Variants in ZNF518B observed in about 807,000 individuals in gnomAD.
The protein encoded by ZNF518B is zinc finger protein 518B.
A neutral mutation model predicts 56.3 loss-of-function variants in ZNF518B; 23 were observed. That is an observed-to-expected ratio of 0.41 (90% CI 0.29 to 0.58). The LOEUF is 0.58. Ranked by LOEUF, ZNF518B falls within the 20% of genes least tolerant of loss-of-function variation. ZNF518B has a pLI of 0.32. For missense variants in ZNF518B, 1,460 were observed against 1,272.1 expected (o/e 1.15, Z -2.25); for synonymous variants, 529 against 465.9 (o/e 1.14, Z -1.74).
chr4:10,450,393 G>A (rs111448554), intron 2 of ZNF518B, among the ~76,000 whole-genome samples: 5 of 152,334 alleles, frequency 3.3e-5, no homozygotes, highest in African/African-American at 1.2e-4. Flanking sequence ...ACAAGTAGAT[G>A]GGAGTTCTCT....
upstream of ZNF518B, among the ~76,000 whole-genome samples, chr4:10,460,470 G>A (rs1197106453): frequency 3.9e-5 from 6 of 152,064 alleles, no homozygotes; most frequent in South Asian, 2.1e-4. Flanking sequence ...ATGCAATGAC[G>A]GGGACTTGGG....
chr4:10,443,090 G>A lies in ZNF518B; in HGVS notation c.*14C>T. ...AAACTAAAAGATAACTTGCTTTAAA[G>A]AGTAACTGTTTACTTATTTGCCCTT... On this transcript the variant is annotated 3_prime_UTR_variant, in exon 3 of 3. Transcript: ENST00000326756. The A allele has an allele frequency of 6.2e-7, 1 of 1,600,102 alleles. No individual in the cohort carries two copies. The highest frequency in any genetic ancestry group is 1.7e-5 in the Admixed American group (1 of 57,470).
upstream of ZNF518B, among the ~76,000 whole-genome samples, chr4:10,459,874 G>A (rs1398779280): frequency 6.6e-6 from 1 of 152,076 alleles, no homozygotes; most frequent in African/African-American, 2.4e-5. Flanking sequence ...TGTTTGTTTG[G>A]TACAGCCACC....
At chr4:10,447,234 A>C (rs1162600327) in intron 2 of ZNF518B, among the ~76,000 whole-genome samples, 1 of 152,224 alleles carries the variant, frequency 6.6e-6, no homozygotes, top group East Asian at 1.9e-4. Flanking sequence ...ATATTTGCCA[A>C]TGGTGGTAAG....
chr4:10,446,283 C>T lies in ZNF518B; in HGVS notation c.46G>A (p.Gly16Arg), dbSNP rs72648876. Residue 16 changes from glycine (G) to arginine (R), a missense_variant, in exon 3 of 3, where the codon GGA (glycine) becomes AGA (arginine). By Grantham distance (125) the Gly-to-Arg change is moderately radical. Coordinates refer to ENST00000326756, the MANE Select transcript of ZNF518B (RefSeq NM_053042.3). Reference sequence around the variant, plus strand: ...GGTGACATGGTCAAGGAATTATGTCCGCCGTTCAAGTGTGTAGTGTATAGC... The same window carrying T: ...GGTGACATGGTCAAGGAATTATGTCTGCCGTTCAAGTGTGTAGTGTATAGC... ...QQLYTTHLNG[G>R]HNSLTMSPKQ... The T allele has an allele frequency of 0.022, 35,083 of 1,614,116 alleles. 414 individuals are homozygous for T. The highest frequency in any genetic ancestry group is 0.026 in the Non-Finnish European group (31,090 of 1,180,012).
intron 2 of ZNF518B, among the ~76,000 whole-genome samples, chr4:10,447,573 T>C (rs769651558): frequency 5.3e-5 from 8 of 150,548 alleles, no homozygotes; most frequent in African/African-American, 7.3e-5. Flanking sequence ...AGATCACGGA[T>C]GGCCTGGCCT....
At position 10,456,602 on chromosome 4, in the gene ZNF518B, C is replaced by T. The variant is rs115524215; in HGVS notation, c.-396+715G>A. Among the ~76,000 whole-genome samples the T allele has an allele frequency of 3.9e-3, 591 of 152,284 alleles. 4 individuals are homozygous for T. Among genetic ancestry groups the T allele is most frequent in the African/African-American group, 0.013 (555 of 41,558 alleles). On this transcript the variant is annotated intron_variant, in intron 1 of 2. Coordinates refer to ENST00000326756, the MANE Select transcript of ZNF518B (RefSeq NM_053042.3). Reference sequence around the variant, plus strand: ...CCAGGCTGGTTTTCGAGTTTATTGTCGGCACGCTCCCCCGATGGCAGGCAG... The same window carrying T: ...CCAGGCTGGTTTTCGAGTTTATTGTTGGCACGCTCCCCCGATGGCAGGCAG...
Position 10,446,236 on chromosome 4 carries a change from TC to T in ZNF518B, c.92del (p.Gly31GlufsTer24), listed in dbSNP as rs1470785696. 6.2e-7 allele frequency: 1 copy of T among 1,614,214 alleles called. No homozygotes were observed. The highest frequency in any genetic ancestry group is 1.7e-5 in the Admixed American group (1 of 60,024). On this transcript the variant is annotated frameshift_variant, in exon 3 of 3. Coordinates refer to ENST00000326756, the MANE Select transcript of ZNF518B (RefSeq NM_053042.3). LOFTEE classifies it low-confidence loss of function (END_TRUNC). The stretch of plus-strand genomic sequence containing the variant: ...CTTCTTGTCTATTTGGCCGAGGTGC[TC>T]CATTAGCATCAGGCTGTTTGGGTGA... Reference protein sequence around the residue: ...TMSPKQPDANGAPRPNRQEAQ... With the variant: ...TMSPKQPDANXAPRPNRQEAQ...
chr4:10,450,861 G>A (rs577874743), intron 2 of ZNF518B: 4 of 152,264 alleles, frequency 2.6e-5, no homozygotes, highest in South Asian at 2.1e-4. Flanking sequence ...GAAAGGTCTC[G>A]AAAACACAGA....
chr4:10,450,499 G>A (rs1330355028), intron 2 of ZNF518B, among the ~76,000 whole-genome samples: 1 of 152,206 alleles, frequency 6.6e-6, no homozygotes, highest in Admixed American at 6.5e-5. Flanking sequence ...ATGGAAGAAT[G>A]AAGATGGTTC....
intron 2 of ZNF518B, chr4:10,451,516 ATGAC>A (rs1380500403): frequency 2.0e-5 from 3 of 152,244 alleles, no homozygotes; most frequent in Non-Finnish European, 4.4e-5. Context: ...TGAGGATTAA[ATGAC>A]TGACATATCA....
chr4:10,446,305 T>C lies in ZNF518B; in HGVS notation c.24A>G (p.Leu8=), dbSNP rs1346728275. The C allele has an allele frequency of 1.9e-6, 3 of 1,613,218 alleles. No individual in the cohort carries two copies. Among genetic ancestry groups the C allele is most frequent in the Non-Finnish European group, 1.7e-6 (2 of 1,179,202 alleles). ...GTCCGCCGTTCAAGTGTGTAGTGTA[T>C]AGCTGCTGTCCAATATCCTTCATCT... The part of the protein sequence containing the change: MKDIGQQ[L]YTTHLNGGHN... The change falls in exon 3 of 3, where the codon CTA becomes CTG. Residue 8 remains leucine (L), a synonymous_variant. Coordinates refer to ENST00000326756, the MANE Select transcript of ZNF518B (RefSeq NM_053042.3).
upstream of ZNF518B, among the ~76,000 whole-genome samples, chr4:10,460,705 T>C (rs1016611719): frequency 6.6e-6 from 1 of 152,182 alleles, no homozygotes; most frequent in Non-Finnish European, 1.5e-5. Context: ...CCACGAGCTT[T>C]CCATGATCAT....
chr4:10,457,897 T>C (rs1302611576), upstream of ZNF518B, among the ~76,000 whole-genome samples: 5 of 152,344 alleles, frequency 3.3e-5, no homozygotes, highest in East Asian at 9.7e-4. Flanking sequence ...ACATCTTAGC[T>C]GCTGGACCTT....
chr4:10,449,031 A>C (rs1335035498), intron 2 of ZNF518B, among the ~76,000 whole-genome samples: 1 of 152,182 alleles, frequency 6.6e-6, no homozygotes, highest in Non-Finnish European at 1.5e-5. Context: ...GAAATCACAC[A>C]CTTTATCATC....
Position 10,444,129 on chromosome 4 carries a change from T to A in ZNF518B, c.2200A>T (p.Thr734Ser). 1 of 1,614,214 alleles carries A rather than the reference T, an allele frequency of 6.2e-7. No individual in the cohort carries two copies. The highest frequency in any genetic ancestry group is 8.5e-7 in the Non-Finnish European group (1 of 1,180,048). The change falls in exon 3 of 3, where the codon ACT becomes TCT. Residue 734 changes from threonine (T) to serine (S), a missense_variant. Coordinates refer to ENST00000326756, the MANE Select transcript of ZNF518B (RefSeq NM_053042.3). ...TGATGAGTAAGCTGTCTATTACCAG[T>A]AATACCACCATCATTCGGAGGTTTC... ...LQKPPNDGGI[T>S]GNRQLTHQQI...
upstream of ZNF518B, among the ~76,000 whole-genome samples, chr4:10,458,809 T>C (rs1259888083): frequency 1.3e-5 from 2 of 152,224 alleles, no homozygotes; most frequent in South Asian, 4.1e-4. Flanking sequence ...TAGGAGCCAC[T>C]GCCTGAAAAT....
chr4:10,455,392 C>A (rs1346211162), intron 1 of ZNF518B, among the ~76,000 whole-genome samples: 1 of 152,116 alleles, frequency 6.6e-6, no homozygotes, highest in Non-Finnish European at 1.5e-5. Context: ...ATTGGGGAAA[C>A]CCTCCCTGGT....
At chr4:10,460,323 AC>A (rs66845659), upstream of ZNF518B, among the ~76,000 whole-genome samples, 30,573 of 77,978 alleles carry the variant, frequency 0.39, 6,579 homozygotes, top group Non-Finnish European at 0.43. Flanking sequence ...AAAAAAAAAA[AC>A]CAAAAAAAAA....
Sources: allele counts gnomAD v4.1 joint callset (sites outside exome capture counted in the v4.1 genomes callset), GRCh38; gene constraint gnomAD v4.1.1; transcripts MANE v1.5; gene names NCBI Gene and HGNC (gene_info 2026-07-23, HGNC 2026-07-21).